The following KIF16B variants were observed in gnomAD, a reference collection of about 807,000 sequenced individuals.
KIF16B encodes the protein kinesin-like protein KIF16B.
KIF16B carries 98 observed loss-of-function variants against 156.3 expected under a neutral mutation model. The ratio of observed to expected loss-of-function variants is 0.63; its 90% CI spans 0.53 to 0.74. KIF16B has a LOEUF of 0.74. Ranked by LOEUF, KIF16B falls within the 30% of genes least tolerant of loss-of-function variation. The pLI, the probability that KIF16B is intolerant of heterozygous loss-of-function variation, is 0.00. For missense variants in KIF16B, 1,421 were observed against 1,606.5 expected (o/e 0.88, Z 1.97); for synonymous variants, 564 against 583.7 (o/e 0.97, Z 0.49).
rs1024563004 is a variant in KIF16B, at chr20:16,527,603, G to A, written c.117+768C>T. ...TTTTTGTTTGTTTGTTTGAGATGGG[G>A]TCTTGCTCTGTTGCCCAGGCTGGAG... On this transcript the variant is annotated intron_variant, in intron 2 of 25. Transcript: ENST00000354981. Among the ~76,000 whole-genome samples, 18 of 152,080 alleles carry A rather than the reference G, an allele frequency of 1.2e-4. 1 individual carries two copies. Among genetic ancestry groups the A allele is most frequent in the Non-Finnish European group, 1.5e-5 (1 of 68,018 alleles).
intron 22 of KIF16B, among the ~76,000 whole-genome samples, chr20:16,359,586 TG>T (rs2064510734): frequency 6.8e-6 from 1 of 147,224 alleles, no homozygotes; most frequent in Non-Finnish European, 1.5e-5. Flanking sequence ...TTTCTAAGAA[TG>T]TACCAGGGTA....
At chr20:16,459,752 G>A (rs1440688697) in intron 12 of KIF16B, among the ~76,000 whole-genome samples, 1 of 152,148 alleles carries the variant, frequency 6.6e-6, no homozygotes, top group Non-Finnish European at 1.5e-5. Context: ...AATCTCCTGT[G>A]GGTTAGGAAA....
intron 25 of KIF16B, among the ~76,000 whole-genome samples, chr20:16,281,120 G>A (rs998474424): frequency 1.3e-5 from 2 of 151,860 alleles, no homozygotes; most frequent in African/African-American, 4.8e-5. Flanking sequence ...ATTGTTGTGA[G>A]GTCCTCTTTA....
At chr20:16,390,713 A>T (rs2065343170) in intron 17 of KIF16B, among the ~76,000 whole-genome samples, 1 of 152,220 alleles carries the variant, frequency 6.6e-6, no homozygotes, top group Admixed American at 6.5e-5. Context: ...AAAATGATCC[A>T]TCATTACAAA....
intron 25 of KIF16B, 116 bp downstream of exon 25, chr20:16,312,219 G>C (rs2063629538): frequency 1.2e-5 from 8 of 669,264 alleles, no homozygotes; most frequent in Non-Finnish European, 1.8e-5. Context: ...CTGTGTTAAT[G>C]AGGCAGCATC....
chr20:16,300,490 T>C (rs2063456227), intron 25 of KIF16B, among the ~76,000 whole-genome samples: 1 of 152,170 alleles, frequency 6.6e-6, no homozygotes, highest in Non-Finnish European at 1.5e-5. Context: ...TTCCCTCTTC[T>C]TCTTTTTCTT....
rs991430880 is a variant in KIF16B, at chr20:16,382,375, T to C, written c.1785-628A>G. ...TCACACTTCTCTACACTTCTCATCA[T>C]AATCATAGAAAATAACTGAGTACCA... On this transcript the variant is annotated intron_variant, in intron 17 of 25. Transcript: ENST00000354981. Among the ~76,000 whole-genome samples, 6 of 152,230 alleles carry C rather than the reference T, an allele frequency of 3.9e-5. No homozygotes were observed. The East Asian group carries it at 9.6e-4, about 24-fold the overall frequency.
At chr20:16,565,894 T>C (rs1364668504) in intron 1 of KIF16B, among the ~76,000 whole-genome samples, 3 of 152,224 alleles carry the variant, frequency 2.0e-5, no homozygotes, top group African/African-American at 7.2e-5. Context: ...CACTTCTCTA[T>C]GTCCTGCTGA....
In KIF16B at chr20:16,512,831, T is replaced by C. The variant is rs1478847858; in HGVS notation, c.441A>G (p.Glu147=). Residue 147 remains glutamate (E), a synonymous_variant, in exon 5 of 26, where the codon GAA becomes GAG. Coordinates refer to ENST00000354981, the MANE Select transcript of KIF16B (RefSeq NM_024704.5). ...TRWDEASFRT[E]VSYLEIYNER... ...ACCCAGGCCACAGGCCCTACCTGAC[T>C]TCAGTTCGAAAAGAAGCTTCATCCC... is the stretch of plus-strand genomic sequence containing the variant. The C allele has an allele frequency of 1.2e-6, 2 of 1,612,292 alleles. No individual in the cohort carries two copies. Among genetic ancestry groups the C allele is most frequent in the South Asian group, 1.1e-5 (1 of 91,064 alleles).
chr20:16,381,528 CAAA>C (rs11306679), intron 18 of KIF16B, among the ~76,000 whole-genome samples, 163 bp downstream of exon 18: 12 of 122,744 alleles, frequency 9.8e-5, no homozygotes, highest in Non-Finnish European at 1.4e-4. Flanking sequence ...CCATCTACTC[CAAA>C]AAAAAAAAAA....
chr20:16,341,608 G>A (rs1030342838), intron 23 of KIF16B, among the ~76,000 whole-genome samples: 3 of 152,160 alleles, frequency 2.0e-5, no homozygotes, highest in Non-Finnish European at 2.9e-5. Context: ...TTCTGCCCTC[G>A]ATATTTCAGT....
chr20:16,536,776 G>A (rs1425172503), intron 1 of KIF16B, among the ~76,000 whole-genome samples: 1 of 152,136 alleles, frequency 6.6e-6, no homozygotes, highest in African/African-American at 2.4e-5. Context: ...GCAGACTCCA[G>A]TACTTCCTTC....
At chr20:16,463,352 A>G (rs1346776404) in intron 12 of KIF16B, among the ~76,000 whole-genome samples, 2 of 152,218 alleles carry the variant, frequency 1.3e-5, no homozygotes. Flanking sequence ...TTATTTCAAG[A>G]TGGCAAAGTC....
intron 19 of KIF16B, among the ~76,000 whole-genome samples, chr20:16,376,778 A>T (rs1351593126): frequency 6.6e-6 from 1 of 152,224 alleles, no homozygotes; most frequent in East Asian, 1.9e-4. Flanking sequence ...CTAAAAGCTC[A>T]TGCTGCATTC....
Position 16,526,155 on chromosome 20 carries a change from G to A in KIF16B, c.168C>T (p.Phe56=), listed in dbSNP as rs753421120. ...GDSGRERTKT[F]TYDFSFYSAD... ...CAGAATAAAAAGAAAAGTCATAGGT[G>A]AAGGTCTTGGTCCGTTCTCTTCCTG... is the stretch of plus-strand genomic sequence containing the variant. Residue 56 remains phenylalanine (F), a synonymous_variant, in exon 3 of 26, where the codon TTC becomes TTT. Coordinates refer to ENST00000354981, the MANE Select transcript of KIF16B (RefSeq NM_024704.5). 6.2e-7 allele frequency: 1 copy of A among 1,610,590 alleles called. No individual in the cohort carries two copies. The highest frequency in any genetic ancestry group is 8.5e-7 in the Non-Finnish European group (1 of 1,178,338).
chr20:16,383,477 T>C (rs1338352156), intron 17 of KIF16B, among the ~76,000 whole-genome samples: 2 of 152,316 alleles, frequency 1.3e-5, no homozygotes, highest in Admixed American at 6.5e-5. Flanking sequence ...TACTGACAAA[T>C]GGAAATAATC....
At chr20:16,563,830 A>G (rs756433096) in intron 1 of KIF16B, among the ~76,000 whole-genome samples, 2 of 152,196 alleles carry the variant, frequency 1.3e-5, no homozygotes, top group African/African-American at 2.4e-5. Flanking sequence ...GCACACAAAG[A>G]TATTTTAAAA....
chr20:16,380,945 G>A (rs959639435), intron 18 of KIF16B, among the ~76,000 whole-genome samples: 2 of 152,128 alleles, frequency 1.3e-5, no homozygotes, highest in Non-Finnish European at 2.9e-5. Context: ...CGTCTATCTT[G>A]GATGATGCTG....
chr20:16,500,637 T>C (rs1208716104), intron 10 of KIF16B, among the ~76,000 whole-genome samples: 2 of 152,260 alleles, frequency 1.3e-5, no homozygotes, highest in East Asian at 1.9e-4. Context: ...GTTGCACCCT[T>C]TGTCGTGATA....
Sources: gnomAD v4.1 joint callset for allele counts (sites outside exome capture counted in the v4.1 genomes callset) on GRCh38, gnomAD v4.1.1 for gene constraint, MANE v1.5 for transcripts, NCBI Gene and HGNC (gene_info 2026-07-23, HGNC 2026-07-21) for gene names.